PYGB: variants seen among roughly 807,000 people sequenced by gnomAD.
PYGB encodes the protein glycogen phosphorylase B, also known as glycogen phosphorylase, brain form.
In PYGB, 82 loss-of-function variants were observed where a neutral mutation model predicts 94.3. That is an observed-to-expected ratio of 0.87 (90% CI 0.73 to 1.04). The LOEUF (loss-of-function observed/expected upper bound fraction) is 1.04, where lower values mean the gene tolerates loss of function less well. PYGB is among the 50% of genes least tolerant of loss of function. PYGB has a pLI of 0.00. For synonymous variants in PYGB, 488 were observed against 479.1 expected, an observed-to-expected ratio of 1.02 and a Z score of -0.24; for missense variants, 1,132 against 1,158.2, an observed-to-expected ratio of 0.98 and a Z score of 0.33.
Position 25,297,063 on chromosome 20 carries a change from GC to G in PYGB, c.*546del. On this transcript the variant is annotated 3_prime_UTR_variant, in exon 20 of 20. Coordinates refer to ENST00000216962, the MANE Select transcript of PYGB (RefSeq NM_002862.4). Reference sequence around the variant, plus strand: ...GGATCCTCTAGGCATCGCCTTCACAGCCCCCTGCCCCCTGCCCTCTGTCCTG... The same window carrying G: ...GGATCCTCTAGGCATCGCCTTCACAGCCCCTGCCCCCTGCCCTCTGTCCTG... The G allele has an allele frequency of 6.2e-6, 1 of 160,400 alleles. No individual in the cohort carries two copies. Among genetic ancestry groups the G allele is most frequent in the Non-Finnish European group, 1.4e-5 (1 of 72,636 alleles). 9.9% of individuals were successfully genotyped at this position (160,400 alleles called of 1,614,324 possible). A position where few individuals can be genotyped will look rare whatever the true frequency, so the allele number is the denominator to read the frequency against.
intron 1 of PYGB, among the ~76,000 whole-genome samples, chr20:25,250,562 A>G (rs1038106573): frequency 3.3e-5 from 5 of 152,224 alleles, no homozygotes; most frequent in African/African-American, 1.2e-4. Context: ...TCTTTCGCTA[A>G]TTCATGATGA....
chr20:25,248,901 T>TG (rs1555804522), intron 1 of PYGB, among the ~76,000 whole-genome samples: 2 of 152,280 alleles, frequency 1.3e-5, no homozygotes, highest in African/African-American at 4.8e-5. Flanking sequence ...AGACTTTTTT[T>TG]TGTGTACGCT....
chr20:25,277,341 T>C lies in PYGB; in HGVS notation c.855+15T>C, dbSNP rs1392090514. On this transcript the variant is annotated intron_variant, in intron 7 of 19. Transcript: ENST00000216962. ...CAAATGATAACGTGAGTAGCTGGCCTGGGCACTCTTGCTCAGGCCGTATCG... is the reference window on the plus strand; with the variant it reads ...CAAATGATAACGTGAGTAGCTGGCCCGGGCACTCTTGCTCAGGCCGTATCG... 1 of 1,537,744 alleles carries C rather than the reference T, an allele frequency of 6.5e-7. No individual in the cohort carries two copies. Among genetic ancestry groups the C allele is most frequent in the East Asian group, 2.2e-5 (1 of 44,494 alleles).
chr20:25,269,125 G>A lies in PYGB; in HGVS notation c.346-4G>A. On this transcript the variant is annotated splice_region_variant and splice_polypyrimidine_tract_variant and intron_variant, in intron 2 of 19. Transcript: ENST00000216962. ...TAAAATGCTGCCTGTGTTTTTGTTT[G>A]CAGTTGGGGTTAGACTTGGAGGAAC... is the stretch of plus-strand genomic sequence containing the variant. 1 of 1,565,952 alleles carries A rather than the reference G, an allele frequency of 6.4e-7. No individual in the cohort carries two copies. The highest frequency in any genetic ancestry group is 8.8e-7 in the Non-Finnish European group (1 of 1,136,358).
At chr20:25,288,524 C>T (rs1568697724) in intron 15 of PYGB, 41 bp downstream of exon 15, 6 of 1,601,262 alleles carry the variant, frequency 3.7e-6, no homozygotes, top group Non-Finnish European at 5.1e-6. Context: ...GGTGTTTGGT[C>T]TGGGGATAGT....
At chr20:25,262,800 A>G (rs1328897397) in intron 2 of PYGB, among the ~76,000 whole-genome samples, 2 of 152,122 alleles carry the variant, frequency 1.3e-5, no homozygotes, top group South Asian at 2.1e-4. Context: ...AACAAAAAAA[A>G]GCAGGGGTTG....
In PYGB at chr20:25,277,227, G is replaced by A. The variant is rs200672730; in HGVS notation, c.773-17G>A. On this transcript the variant is annotated splice_polypyrimidine_tract_variant and intron_variant, in intron 6 of 19. Coordinates refer to ENST00000216962, the MANE Select transcript of PYGB (RefSeq NM_002862.4). ...CAGGAGGCATGTGTGTGTTGACCCCGCTCCATTTCTTCTTAGTCAACGTGG... is the reference window on the plus strand; with the variant it reads ...CAGGAGGCATGTGTGTGTTGACCCCACTCCATTTCTTCTTAGTCAACGTGG... 1.4e-5 allele frequency: 21 copies of A among 1,536,924 alleles called. No homozygotes were observed. The highest frequency in any genetic ancestry group is 8.4e-5 in the Admixed American group (5 of 59,870).
chr20:25,283,337 C>G, intron 13 of PYGB, 60 bp downstream of exon 13: 1 of 1,479,790 alleles, frequency 6.8e-7, no homozygotes, highest in Non-Finnish European at 9.3e-7. Context: ...GCAGGTAGGC[C>G]CTGGCCCTAG....
At chr20:25,279,264 C>T in intron 9 of PYGB, 115 bp downstream of exon 9, 1 of 1,150,970 alleles carries the variant, frequency 8.7e-7, no homozygotes, top group Non-Finnish European at 1.2e-6. Flanking sequence ...GCTGTGTGGT[C>T]ATCATGCCCA....
At chr20:25,289,300 A>C (rs1414661138) in intron 15 of PYGB, among the ~76,000 whole-genome samples, 2 of 152,242 alleles carry the variant, frequency 1.3e-5, no homozygotes, top group Non-Finnish European at 2.9e-5. Flanking sequence ...TCAGTATTTC[A>C]GTATGTAAAG....
At chr20:25,280,188 G>A (rs887264876) in intron 9 of PYGB, 78 bp from the exon 10 acceptor site, 11 of 1,532,862 alleles carry the variant, frequency 7.2e-6, no homozygotes, top group Admixed American at 1.7e-5. Context: ...GATCCTGGAC[G>A]CTCACCCTGC....
intron 4 of PYGB, among the ~76,000 whole-genome samples, chr20:25,273,750 T>A (rs985001723): frequency 6.7e-6 from 1 of 150,218 alleles, no homozygotes; most frequent in African/African-American, 2.5e-5. Flanking sequence ...GAACAGCTTG[T>A]CTTCCTGGGT....
At chr20:25,255,579 G>A (rs1443214970) in intron 1 of PYGB, among the ~76,000 whole-genome samples, 1 of 152,234 alleles carries the variant, frequency 6.6e-6, no homozygotes, top group Non-Finnish European at 1.5e-5. Flanking sequence ...GTAGGAACCA[G>A]TAGAGGGCGG....
At chr20:25,289,742 A>G in intron 15 of PYGB, 1 of 474,332 alleles carries the variant, frequency 2.1e-6, no homozygotes, top group Admixed American at 2.2e-5. Flanking sequence ...GACTAGCTGA[A>G]GCATTTCACA....
intron 1 of PYGB, among the ~76,000 whole-genome samples, chr20:25,254,911 C>T (rs1304214205): frequency 6.6e-6 from 1 of 152,038 alleles, no homozygotes; most frequent in Non-Finnish European, 1.5e-5. Flanking sequence ...TCTTAAGATC[C>T]CCATAAGTTC....
chr20:25,248,689 G>C (rs1042141746), intron 1 of PYGB, among the ~76,000 whole-genome samples: 31 of 152,294 alleles, frequency 2.0e-4, no homozygotes, highest in African/African-American at 7.0e-4. Context: ...ATGATGCTGA[G>C]CCCGGGAGCC....
intron 12 of PYGB, among the ~76,000 whole-genome samples, chr20:25,282,559 A>G (rs1386803727): frequency 6.6e-6 from 1 of 152,234 alleles, no homozygotes; most frequent in African/African-American, 2.4e-5. Context: ...AGCCGCTGGG[A>G]GGGTGGGACC....
intron 18 of PYGB, chr20:25,294,945 C>A (rs1024517675): frequency 6.2e-7 from 1 of 1,613,756 alleles, no homozygotes; most frequent in South Asian, 1.1e-5. Context: ...TGCTGCTCTT[C>A]GATGACCGTG....
At chr20:25,290,676 C>G in intron 16 of PYGB, 54 bp downstream of exon 16, 3 of 1,581,398 alleles carry the variant, frequency 1.9e-6, no homozygotes, top group Non-Finnish European at 1.7e-6. Context: ...GGGGAACGGG[C>G]GTTGTACTGG....
Sources: gnomAD v4.1 joint callset for allele counts (sites outside exome capture counted in the v4.1 genomes callset) on GRCh38, gnomAD v4.1.1 for gene constraint, MANE v1.5 for transcripts, NCBI Gene and HGNC (gene_info 2026-07-23, HGNC 2026-07-21) for gene names.